SRRM4: variants seen among roughly 807,000 people sequenced by gnomAD.
SRRM4 encodes the protein serine/arginine repetitive matrix 4.
A neutral mutation model predicts 68.9 loss-of-function variants in SRRM4; 33 were observed. That is an observed-to-expected ratio of 0.48 (90% CI 0.36 to 0.64). The LOEUF (loss-of-function observed/expected upper bound fraction) is 0.64, where lower values mean the gene tolerates loss of function less well. Among genes scored for constraint, SRRM4 ranks in the 30% least tolerant of loss-of-function variants. The pLI, the probability that SRRM4 is intolerant of heterozygous loss-of-function variation, is 0.00. For missense variants in SRRM4, 817 were observed against 827.1 expected (o/e 0.99, Z 0.15); for synonymous variants, 318 against 318.8 (o/e 1.00, Z 0.03).
chr12:119,015,858 C>T (rs1953477798), intron 1 of SRRM4, among the ~76,000 whole-genome samples: 1 of 151,998 alleles, frequency 6.6e-6, no homozygotes. Flanking sequence ...TATTTCAGCA[C>T]AATTATTGTG....
chr12:119,099,850 A>C (rs1008834042), intron 1 of SRRM4, among the ~76,000 whole-genome samples: 7 of 152,188 alleles, frequency 4.6e-5, no homozygotes, highest in Admixed American at 4.6e-4. Flanking sequence ...TACCACCAGA[A>C]TCATCAACCC....
At chr12:119,037,788 C>T (rs539129465) in intron 1 of SRRM4, among the ~76,000 whole-genome samples, 1 of 152,154 alleles carries the variant, frequency 6.6e-6, no homozygotes, top group Admixed American at 6.5e-5. Flanking sequence ...GGCCAGAGCC[C>T]AGATTTAGGA....
At chr12:119,006,343 T>A (rs76957128) in intron 1 of SRRM4, among the ~76,000 whole-genome samples, 1 of 50,794 alleles carries the variant, frequency 2.0e-5, no homozygotes, top group Non-Finnish European at 5.5e-5. Flanking sequence ...GACTACTCCT[T>A]CTTTTCCTGG....
chr12:119,125,588 T>C (rs949984893), intron 7 of SRRM4, 109 bp downstream of exon 7: 5 of 902,292 alleles, frequency 5.5e-6, no homozygotes, highest in Non-Finnish European at 8.4e-6. Context: ...TTTGGCCCCC[T>C]TCCTCAGACT....
At chr12:119,046,022 G>A (rs1953705391) in intron 1 of SRRM4, among the ~76,000 whole-genome samples, 1 of 151,808 alleles carries the variant, frequency 6.6e-6, no homozygotes, top group Non-Finnish European at 1.5e-5. Flanking sequence ...TGGCGACAGA[G>A]CGAGATTCCA....
At chr12:119,070,031 C>T (rs1953868335) in intron 1 of SRRM4, among the ~76,000 whole-genome samples, 1 of 152,140 alleles carries the variant, frequency 6.6e-6, no homozygotes, top group Non-Finnish European at 1.5e-5. Context: ...CCAGATCCAG[C>T]TGATGATTGC....
intron 1 of SRRM4, among the ~76,000 whole-genome samples, chr12:119,007,528 A>G (rs1356395000): frequency 2.0e-5 from 3 of 152,096 alleles, no homozygotes; most frequent in Non-Finnish European, 2.9e-5. Flanking sequence ...TTGCCATGTA[A>G]ATTTCCATCC....
chr12:118,992,022 A>G (rs1057095322), intron 1 of SRRM4: 3 of 152,236 alleles, frequency 2.0e-5, no homozygotes, highest in Non-Finnish European at 1.5e-5. Context: ...CATAGTGCGC[A>G]TGTGTAATTT....
chr12:119,055,981 C>T lies in SRRM4; in HGVS notation c.132-46255C>T, dbSNP rs544281692. Among the ~76,000 whole-genome samples the T allele has an allele frequency of 1.6e-4, 24 of 152,342 alleles. No homozygotes were observed. The East Asian group carries it at 3.1e-3, about 20-fold the overall frequency. On this transcript the variant is annotated intron_variant, in intron 1 of 12. Transcript: ENST00000267260. ...AATCTCTTCTGGGGCCATGTAGGGACGTCCTTTAGCTTCCAGCAATTGCAG... is the reference window on the plus strand; with the variant it reads ...AATCTCTTCTGGGGCCATGTAGGGATGTCCTTTAGCTTCCAGCAATTGCAG...
chr12:119,024,668 C>T (rs1381046096), intron 1 of SRRM4, among the ~76,000 whole-genome samples: 1 of 152,156 alleles, frequency 6.6e-6, no homozygotes, highest in Non-Finnish European at 1.5e-5. Context: ...ACTGAGCTTC[C>T]CTGGGGCTAA....
rs1313483111 is a variant in SRRM4, at chr12:119,160,173, C to A, written c.*3375C>A. On this transcript the variant is annotated 3_prime_UTR_variant, in exon 13 of 13. Transcript: ENST00000267260. ...GCAATGTGACTATCCAGCCCTAACC[C>A]AAAGCAAGGGAGTGCCCCTTTCCTG... 1 of 152,172 alleles carries A rather than the reference C, an allele frequency of 6.6e-6. No individual in the cohort carries two copies. The allele number at this position is 152,172 out of a possible 1,614,324, so 9.4% of individuals were successfully genotyped here.
At chr12:119,071,685 G>C (rs979271603) in intron 1 of SRRM4, among the ~76,000 whole-genome samples, 7 of 152,150 alleles carry the variant, frequency 4.6e-5, no homozygotes, top group Admixed American at 1.3e-4. Flanking sequence ...ACTAATGACT[G>C]TTTCCTGTTT....
Position 119,154,095 on chromosome 12 carries a change from C to T in SRRM4, c.1392-148C>T. ...CAGACTCTTACCGCAGCCCCGTCAT[C>T]CTCCCTCCGGTCTCCCTTGCGGCAA... On this transcript the variant is annotated intron_variant, in intron 11 of 12. Transcript: ENST00000267260. The surrounding 1 kb of genome is among the most constrained non-coding windows in gnomAD (Gnocchi z 4.7). 1 of 707,336 alleles carries T rather than the reference C, an allele frequency of 1.4e-6. No individual in the cohort carries two copies. Among genetic ancestry groups the T allele is most frequent in the Non-Finnish European group, 2.4e-6 (1 of 419,518 alleles). 43.8% of individuals were successfully genotyped at this position (707,336 alleles called of 1,614,324 possible).
chr12:119,061,924 A>T (rs942561524), intron 1 of SRRM4, among the ~76,000 whole-genome samples: 1 of 152,148 alleles, frequency 6.6e-6, no homozygotes, highest in Non-Finnish European at 1.5e-5. Flanking sequence ...TCCCACCTCC[A>T]TTGAAAATCT....
At chr12:119,017,264 T>G (rs944469362) in intron 1 of SRRM4, among the ~76,000 whole-genome samples, 12 of 152,226 alleles carry the variant, frequency 7.9e-5, no homozygotes, top group Non-Finnish European at 1.8e-4. Flanking sequence ...TCACTCTCCC[T>G]TTTTGGACTT....
rs1031453233 is a variant in SRRM4, at chr12:119,157,943, C to T, written c.*1145C>T. ...AGGTTTGGGGGAAAAGACCCGAATCCAGAGTGCAGGGGAGAGGGGCTTGGA... is the reference window on the plus strand; with the variant it reads ...AGGTTTGGGGGAAAAGACCCGAATCTAGAGTGCAGGGGAGAGGGGCTTGGA... On this transcript the variant is annotated 3_prime_UTR_variant, in exon 13 of 13. Transcript: ENST00000267260. This position sits in a 1 kb window ranked among gnomAD's most constrained non-coding sequence, Gnocchi z 4.1. 1.3e-5 allele frequency: 2 copies of T among 152,794 alleles called. No individual in the cohort carries two copies. The highest frequency in any genetic ancestry group is 4.8e-5 in the African/African-American group (2 of 41,450). 9.5% of individuals were successfully genotyped at this position (152,794 alleles called of 1,614,324 possible).
At chr12:118,989,292 G>A (rs1267672705) in intron 1 of SRRM4, among the ~76,000 whole-genome samples, 1 of 152,168 alleles carries the variant, frequency 6.6e-6, no homozygotes, top group Non-Finnish European at 1.5e-5. Flanking sequence ...TTATGGACAA[G>A]CATGAAATTT....
intron 8 of SRRM4, among the ~76,000 whole-genome samples, chr12:119,134,470 C>G (rs533605031): frequency 3.0e-4 from 45 of 151,594 alleles, no homozygotes; most frequent in African/African-American, 1.1e-3. Flanking sequence ...AAGAATGCTG[C>G]AATATAGTGT....
chr12:119,075,461 GTGA>G (rs752548140), intron 1 of SRRM4, among the ~76,000 whole-genome samples: 6 of 146,646 alleles, frequency 4.1e-5, no homozygotes, highest in Admixed American at 4.0e-4. Flanking sequence ...GGTGATGATG[GTGA>G]TGATGATGGT....
Sources: allele counts gnomAD v4.1 joint callset (sites outside exome capture counted in the v4.1 genomes callset), GRCh38; gene constraint gnomAD v4.1.1; non-coding constraint Gnocchi (gnomAD v3.1); transcripts MANE v1.5; gene names NCBI Gene and HGNC (gene_info 2026-07-23, HGNC 2026-07-21).